Variants in KRT39 observed in about 807,000 individuals in gnomAD.
The protein encoded by KRT39 is keratin 39, also known as keratin, type I cytoskeletal 39.
Under a neutral mutation model 54.8 loss-of-function variants are expected in KRT39, and 47 were observed. The observed-to-expected ratio is 0.86, with a 90% confidence interval of 0.68 to 1.09. The LOEUF (loss-of-function observed/expected upper bound fraction) is 1.09, where lower values mean the gene tolerates loss of function less well. Ranked by LOEUF, KRT39 falls within the 50% of genes least tolerant of loss-of-function variation. The probability of loss-of-function intolerance (pLI) is 0.00; values close to 1 mark genes in which losing one functional copy is unlikely to be tolerated. For synonymous variants in KRT39, 207 were observed against 227.9 expected (o/e 0.91, Z 0.83); for missense variants, 580 against 598.5 (o/e 0.97, Z 0.32).
rs768306501 is a variant in KRT39, at chr17:40,966,391, T to A, written c.466A>T (p.Lys156Ter). Residue 156 changes from lysine (K) to a stop codon, truncating the protein, a stop_gained and splice_region_variant, in exon 1 of 7, where the codon AAG becomes TAG. Transcript: ENST00000355612. LOFTEE classifies it high-confidence loss of function. ...YYTTIEELQQ[K>*]ILCTKAENSR... Reference sequence around the variant, plus strand: ...AAACAGGTTCTTAGGAATCTTACCTTCTGCTGGAGCTCCTCAATGGTAGTG... The same window carrying A: ...AAACAGGTTCTTAGGAATCTTACCTACTGCTGGAGCTCCTCAATGGTAGTG... 35 of 1,601,096 alleles carry A rather than the reference T, an allele frequency of 2.2e-5. No homozygotes were observed. Among genetic ancestry groups the A allele is most frequent in the Middle Eastern group, 3.3e-4 (2 of 6,048 alleles).
chr17:40,966,174 T>G (rs565794286), intron 1 of KRT39, among the ~76,000 whole-genome samples: 25 of 152,176 alleles, frequency 1.6e-4, no homozygotes, highest in African/African-American at 6.0e-4. Flanking sequence ...CCTCCCAAAG[T>G]GTTAGGATTA....
chr17:40,966,569 C>T lies in KRT39; in HGVS notation c.288G>A (p.Glu96=). ...CGTTCAAGATTTGCATGGTCTCCTTCTCATTACTGTTGATGCCTTCACCAT... is the reference window on the plus strand; with the variant it reads ...CGTTCAAGATTTGCATGGTCTCCTTTTCATTACTGTTGATGCCTTCACCAT... ...SWYGEGINSN[E]KETMQILNER... The change falls in exon 1 of 7, where the codon GAG becomes GAA. Residue 96 remains glutamate (E), a synonymous_variant. Transcript: ENST00000355612. 1.2e-6 allele frequency: 2 copies of T among 1,614,204 alleles called. No homozygotes were observed. Among genetic ancestry groups the T allele is most frequent in the African/African-American group, 2.7e-5 (2 of 75,062 alleles).
At chr17:40,961,582 C>A (rs1174318061) in intron 5 of KRT39, among the ~76,000 whole-genome samples, 2 of 152,132 alleles carry the variant, frequency 1.3e-5, no homozygotes, top group Non-Finnish European at 2.9e-5. Context: ...ACTCTTATTT[C>A]TTTTGTGACT....
Position 40,963,788 on chromosome 17 carries a change from A to G in KRT39, c.552-5T>C. ...AGAGACACCTCAGCTTCGTATCTTTAAAAACCAGATGGGAAAAGAGAGACA... is the reference window on the plus strand; with the variant it reads ...AGAGACACCTCAGCTTCGTATCTTTGAAAACCAGATGGGAAAAGAGAGACA... On this transcript the variant is annotated splice_region_variant and splice_polypyrimidine_tract_variant and intron_variant, in intron 2 of 6. Transcript: ENST00000355612. 1 of 1,568,746 alleles carries G rather than the reference A, an allele frequency of 6.4e-7. No homozygotes were observed. The highest frequency in any genetic ancestry group is 8.7e-7 in the Non-Finnish European group (1 of 1,146,404).
rs779213911 is a variant in KRT39, at chr17:40,966,379, G to A, written c.468+10C>T. On this transcript the variant is annotated intron_variant, in intron 1 of 6. Coordinates refer to ENST00000355612, the MANE Select transcript of KRT39 (RefSeq NM_213656.4). ...CACAACACGATTAAACAGGTTCTTA[G>A]GAATCTTACCTTCTGCTGGAGCTCC... 147 of 1,572,040 alleles carry A rather than the reference G, an allele frequency of 9.4e-5. No individual in the cohort carries two copies. The highest frequency in any genetic ancestry group is 1.2e-4 in the Non-Finnish European group (136 of 1,143,722).
rs142356475 is a variant in KRT39 at position 40,963,717 on chromosome 17, C to T, written c.618G>A (p.Leu206=). 10 of 1,611,260 alleles carry T rather than the reference C, an allele frequency of 6.2e-6. No homozygotes were observed. The highest frequency in any genetic ancestry group is 8.5e-6 in the Non-Finnish European group (10 of 1,177,884). ...ESDANGLKQI[L]NVLTLGKADL... ...CGGCCTTGCCCAGGGTCAGCACATTCAGGATCTGCTTGAGGCCATTGGCAT... is the reference window on the plus strand; with the variant it reads ...CGGCCTTGCCCAGGGTCAGCACATTTAGGATCTGCTTGAGGCCATTGGCAT... Residue 206 remains leucine (L), a synonymous_variant, in exon 3 of 7, where the codon CTG becomes CTA. Coordinates refer to ENST00000355612, the MANE Select transcript of KRT39 (RefSeq NM_213656.4).
rs919128129 is a variant in KRT39 at position 40,958,753 on chromosome 17, A to G, written c.1324T>C (p.Cys442Arg). 10 of 1,613,990 alleles carry G rather than the reference A, an allele frequency of 6.2e-6. No homozygotes were observed. The African/African-American group carries it at 1.3e-4, about 22-fold the overall frequency. ...TAPACTSSSP[C>R]SLKEHCSACG... ...GCACTGCAGTGCTCCTTTAAGCTGC[A>G]GGGGGATGAGGATGTGCAAGCTGGG... The change falls in exon 7 of 7, where the codon TGC becomes CGC. Residue 442 changes from cysteine to arginine, a missense_variant. Transcript: ENST00000355612.
chr17:40,966,495 T>C lies in KRT39; in HGVS notation c.362A>G (p.Asn121Ser). The change falls in exon 1 of 7, where the codon AAT becomes AGT. Residue 121 changes from asparagine to serine, a missense_variant. Coordinates refer to ENST00000355612, the MANE Select transcript of KRT39 (RefSeq NM_213656.4). ...LQKVRMLERE[N>S]AELESKIQEE... ...CTGGATTTTAGATTCCAGTTCAGCA[T>C]TCTCTCGTTCTAGCATTCGCACCTT... is the stretch of plus-strand genomic sequence containing the variant. The C allele has an allele frequency of 6.2e-7, 1 of 1,614,174 alleles. No individual in the cohort carries two copies. Among genetic ancestry groups the C allele is most frequent in the Non-Finnish European group, 8.5e-7 (1 of 1,179,992 alleles).
chr17:40,958,751 G>T lies in KRT39; in HGVS notation c.1326C>A (p.Cys442Ter). ...TAPACTSSSP[C>*]SLKEHCSACG... ...AGGCACTGCAGTGCTCCTTTAAGCT[G>T]CAGGGGGATGAGGATGTGCAAGCTG... Residue 442 changes from cysteine to a stop codon, truncating the protein, a stop_gained, in exon 7 of 7, where the codon TGC becomes TGA. Transcript: ENST00000355612. LOFTEE classifies it high-confidence loss of function. 2 of 1,614,130 alleles carry T rather than the reference G, an allele frequency of 1.2e-6. No homozygotes were observed. Among genetic ancestry groups the T allele is most frequent in the Non-Finnish European group, 1.7e-6 (2 of 1,180,020 alleles).
intron 1 of KRT39, among the ~76,000 whole-genome samples, chr17:40,965,213 A>G (rs1031070691): frequency 2.2e-4 from 33 of 151,366 alleles, no homozygotes; most frequent in Non-Finnish European, 4.9e-4. Context: ...CAAAAAAAAA[A>G]AAAAATACAA....
At chr17:40,966,076 TG>T (rs1911381371) in intron 1 of KRT39, among the ~76,000 whole-genome samples, 2 of 151,508 alleles carry the variant, frequency 1.3e-5, no homozygotes, top group African/African-American at 4.8e-5. Context: ...TATGTGTGTG[TG>T]TGTGTGTGTG....
intron 6 of KRT39, 58 bp downstream of exon 6, chr17:40,960,223 C>T (rs1911081866): frequency 6.9e-7 from 1 of 1,453,162 alleles, no homozygotes; most frequent in Non-Finnish European, 9.5e-7. Context: ...AGTGGCAGTA[C>T]ATATATCTGC....
chr17:40,958,714 A>C lies in KRT39; in HGVS notation c.1363T>G (p.Ser455Ala). The change falls in exon 7 of 7, where the codon TCC becomes GCC. Residue 455 changes from serine (S) to alanine (A), a missense_variant. Coordinates refer to ENST00000355612, the MANE Select transcript of KRT39 (RefSeq NM_213656.4). ...GTGCAAATTTTAACCAGTATCCGGG[A>C]CAGGGGTCCGCAGGCACTGCAGTGC... ...KEHCSACGPL[S>A]RILVKICTIT... 6.2e-7 allele frequency: 1 copy of C among 1,614,096 alleles called. No individual in the cohort carries two copies. The highest frequency in any genetic ancestry group is 8.5e-7 in the Non-Finnish European group (1 of 1,180,002).
chr17:40,963,248 C>A (rs926372271), intron 3 of KRT39, among the ~76,000 whole-genome samples: 1 of 152,108 alleles, frequency 6.6e-6, no homozygotes, highest in African/African-American at 2.4e-5. Context: ...AGGGAGGGAC[C>A]TAGTGGGAGG....
intron 5 of KRT39, among the ~76,000 whole-genome samples, chr17:40,961,281 T>G (rs970623664): frequency 6.6e-6 from 1 of 152,164 alleles, no homozygotes; most frequent in African/African-American, 2.4e-5. Flanking sequence ...AACTGATGAG[T>G]AAATTTCATT....
At position 40,958,788 on chromosome 17, in the gene KRT39, T is replaced by C. The variant is rs1567828758; in HGVS notation, c.1289A>G (p.Glu430Gly). ...PWTSCKSGAIESTAPACTSSS... is the reference protein window; with the variant it reads ...PWTSCKSGAIGSTAPACTSSS... ...GGATGTGCAAGCTGGGGCCGTGCTT[T>C]CTATGGCTCCGGACTTACAAGATGT... Residue 430 changes from glutamate to glycine, a missense_variant, in exon 7 of 7, where the codon GAA becomes GGA. Glu to Gly is a moderately conservative substitution (Grantham distance 98). Coordinates refer to ENST00000355612, the MANE Select transcript of KRT39 (RefSeq NM_213656.4). 6.2e-7 allele frequency: 1 copy of C among 1,613,952 alleles called. No homozygotes were observed. Among genetic ancestry groups the C allele is most frequent in the Non-Finnish European group, 8.5e-7 (1 of 1,179,920 alleles).
In KRT39 at chr17:40,958,972, C is replaced by T. The variant is rs1181982767; in HGVS notation, c.1218-113G>A. 6 of 873,658 alleles carry T rather than the reference C, an allele frequency of 6.9e-6. No homozygotes were observed. The South Asian group carries it at 6.9e-5, about 10-fold the overall frequency. 54.1% of individuals were successfully genotyped at this position (873,658 alleles called of 1,614,324 possible). Reference sequence around the variant, plus strand: ...ACGTGTTGCTCAAGACAAGTACATACTTCTAAATGCTTATTCATTTATTTT... The same window carrying T: ...ACGTGTTGCTCAAGACAAGTACATATTTCTAAATGCTTATTCATTTATTTT... On this transcript the variant is annotated intron_variant, in intron 6 of 6. Coordinates refer to ENST00000355612, the MANE Select transcript of KRT39 (RefSeq NM_213656.4).
At chr17:40,963,900 A>G (rs571827949) in intron 2 of KRT39, 117 bp from the exon 3 acceptor site, 9 of 693,892 alleles carry the variant, frequency 1.3e-5, no homozygotes, top group Non-Finnish European at 1.9e-5. Flanking sequence ...TTTCTATTAG[A>G]AGTTTTATTC....
At chr17:40,962,122 C>T in intron 5 of KRT39, 40 bp downstream of exon 5, 1 of 1,608,120 alleles carries the variant, frequency 6.2e-7, no homozygotes, top group Non-Finnish European at 8.5e-7. Context: ...GGGACTGTTT[C>T]CATCTTTGCT....
Sources: allele counts gnomAD v4.1 joint callset (sites outside exome capture counted in the v4.1 genomes callset), GRCh38; gene constraint gnomAD v4.1.1; transcripts MANE v1.5; gene names NCBI Gene and HGNC (gene_info 2026-07-23, HGNC 2026-07-21).